The following FOCAD variants were observed in gnomAD, a reference collection of about 807,000 sequenced individuals.
FOCAD encodes the protein focadhesin, also known as KIAA1797.
A neutral mutation model predicts 225.6 loss-of-function variants in FOCAD; 198 were observed. The ratio of observed to expected loss-of-function variants is 0.88; its 90% confidence interval spans 0.78 to 0.99. The LOEUF (loss-of-function observed/expected upper bound fraction) is 0.99. FOCAD is among the 50% of genes least tolerant of loss of function. The pLI is 0.00. For synonymous variants in FOCAD, 897 were observed against 755.0 expected, an observed-to-expected ratio of 1.19 and a Z score of -3.08; for missense variants, 2,713 against 2,123.6, an observed-to-expected ratio of 1.28 and a Z score of -5.46.
At chr9:20,916,613 C>G (rs376402691) in intron 23 of FOCAD, among the ~76,000 whole-genome samples, 1 of 152,202 alleles carries the variant, frequency 6.6e-6, no homozygotes, top group Non-Finnish European at 1.5e-5. Flanking sequence ...ACTCACCACG[C>G]TGTCTGAGAT....
At chr9:20,659,424 G>GAGAAAGAAAGAAAGAAGAA (rs1821640974) in intron 2 of FOCAD, among the ~76,000 whole-genome samples, 2 of 140,352 alleles carry the variant, frequency 1.4e-5, no homozygotes, top group South Asian at 4.8e-4. Context: ...AGAAAGAAAG[G>GAGAAAGAAAGAAAGAAGAA]AGAAAGAAAG....
At chr9:20,789,745 T>TTA in intron 11 of FOCAD, 137 bp downstream of exon 11, 1 of 1,034,526 alleles carries the variant, frequency 9.7e-7, no homozygotes, top group Non-Finnish European at 1.4e-6. Flanking sequence ...TTGCTATCTT[T>TTA]ATCCTTCCAT....
At chr9:20,656,959 T>G (rs563501359), upstream of FOCAD, among the ~76,000 whole-genome samples, 53 of 151,894 alleles carry the variant, frequency 3.5e-4, 1 homozygote, top group South Asian at 5.2e-3. Flanking sequence ...AGGAGCTCTT[T>G]TAGGGCAGGC....
At chr9:20,716,652 A>G (rs935891094) in intron 2 of FOCAD, among the ~76,000 whole-genome samples, 1 of 152,106 alleles carries the variant, frequency 6.6e-6, no homozygotes, top group Non-Finnish European at 1.5e-5. Flanking sequence ...GTCCTTTGCA[A>G]ATATTTCTTA....
At chr9:20,894,899 C>G (rs1355970945) in intron 21 of FOCAD, among the ~76,000 whole-genome samples, 3 of 152,114 alleles carry the variant, frequency 2.0e-5, no homozygotes, top group African/African-American at 4.8e-5. Context: ...AAGCTGTCAT[C>G]AAGCCTAACA....
intron 31 of FOCAD, among the ~76,000 whole-genome samples, 195 bp downstream of exon 31, chr9:20,948,588 TGGCTA>T (rs1837404903): frequency 6.6e-6 from 1 of 152,226 alleles, no homozygotes; most frequent in Admixed American, 6.5e-5. Flanking sequence ...TTTTTTGAAC[TGGCTA>T]TTTTGTCTGA....
At chr9:20,843,559 G>C (rs767430457) in intron 15 of FOCAD, among the ~76,000 whole-genome samples, 2 of 151,976 alleles carry the variant, frequency 1.3e-5, no homozygotes, top group Non-Finnish European at 2.9e-5. Context: ...TTAGGAGTTT[G>C]ATTCTTAAAT....
At chr9:20,972,844 A>G (rs987579038) in intron 35 of FOCAD, among the ~76,000 whole-genome samples, 2 of 151,492 alleles carry the variant, frequency 1.3e-5, no homozygotes, top group Non-Finnish European at 1.5e-5. Context: ...CCTTGTTCCC[A>G]TGCTTCTCCT....
intron 15 of FOCAD, among the ~76,000 whole-genome samples, chr9:20,851,958 C>T (rs1366755391): frequency 6.6e-6 from 1 of 151,768 alleles, no homozygotes; most frequent in East Asian, 1.9e-4. Context: ...GACCATGTGG[C>T]CCTTGAAACC....
At chr9:20,823,339 C>T (rs1186274846) in intron 15 of FOCAD, among the ~76,000 whole-genome samples, 1 of 151,936 alleles carries the variant, frequency 6.6e-6, no homozygotes, top group African/African-American at 2.4e-5. Context: ...CAAAGAAAAC[C>T]AGACTTAAGA....
intron 6 of FOCAD, among the ~76,000 whole-genome samples, chr9:20,764,520 G>A (rs141360285): frequency 7.2e-5 from 11 of 152,332 alleles, no homozygotes; most frequent in East Asian, 5.8e-4. Flanking sequence ...CCAAAGTGCT[G>A]GGATTTTTAT....
intron 2 of FOCAD, chr9:20,716,245 A>G (rs1212482645): frequency 5.4e-6 from 2 of 373,198 alleles, no homozygotes; most frequent in African/African-American, 4.0e-5. Context: ...GGAGGATACT[A>G]TTCACAGTTT....
At chr9:20,855,590 A>G (rs1828095242) in intron 15 of FOCAD, among the ~76,000 whole-genome samples, 2 of 151,720 alleles carry the variant, frequency 1.3e-5, no homozygotes, top group South Asian at 2.1e-4. Context: ...ATTATCATTT[A>G]TCTGTGTTTG....
At chr9:20,974,160 G>GT (rs1468114838) in intron 35 of FOCAD, among the ~76,000 whole-genome samples, 7 of 144,782 alleles carry the variant, frequency 4.8e-5, no homozygotes, top group Admixed American at 1.4e-4. Context: ...TTCTGTAGCT[G>GT]TTTTTTTCCT....
chr9:20,769,231 C>A (rs754713054), intron 7 of FOCAD, among the ~76,000 whole-genome samples: 19 of 152,124 alleles, frequency 1.2e-4, no homozygotes, highest in Non-Finnish European at 2.6e-4. Context: ...CTGTGTATAA[C>A]TAATAGTCAT....
intron 15 of FOCAD, among the ~76,000 whole-genome samples, chr9:20,853,332 G>C (rs1372359977): frequency 6.6e-6 from 1 of 151,662 alleles, no homozygotes; most frequent in Non-Finnish European, 1.5e-5. Flanking sequence ...TGAGTCTCTT[G>C]GGTGGCTTCA....
chr9:20,953,077 C>G lies in FOCAD; in HGVS notation c.4132+12C>G. 1.2e-6 allele frequency: 2 copies of G among 1,603,040 alleles called. No homozygotes were observed. The highest frequency in any genetic ancestry group is 1.7e-6 in the Non-Finnish European group (2 of 1,171,502). On this transcript the variant is annotated intron_variant, in intron 35 of 43. Transcript: ENST00000338382. ...AGGAGGAAAAAAAGGCAAGTGAGCACATTTCTTGAATTTTATCATTCTATC... is the reference window on the plus strand; with the variant it reads ...AGGAGGAAAAAAAGGCAAGTGAGCAGATTTCTTGAATTTTATCATTCTATC...
intron 21 of FOCAD, among the ~76,000 whole-genome samples, chr9:20,886,501 C>A (rs1368891250): frequency 6.6e-6 from 1 of 152,026 alleles, no homozygotes; most frequent in Non-Finnish European, 1.5e-5. Flanking sequence ...CAAGAAAAAG[C>A]ATTAGTGCAG....
At chr9:20,676,327 T>C (rs1392635026) in intron 2 of FOCAD, among the ~76,000 whole-genome samples, 1 of 152,198 alleles carries the variant, frequency 6.6e-6, no homozygotes, top group Non-Finnish European at 1.5e-5. Context: ...TTTTATGGCT[T>C]AGCAGCGGTA....
Sources: gnomAD v4.1 joint callset for allele counts (sites outside exome capture counted in the v4.1 genomes callset) on GRCh38, gnomAD v4.1.1 for gene constraint, MANE v1.5 for transcripts, NCBI Gene and HGNC (gene_info 2026-07-23, HGNC 2026-07-21) for gene names.